KLRD1: variants seen among roughly 807,000 people sequenced by gnomAD.
The protein encoded by KLRD1 is natural killer cells antigen CD94.
A neutral mutation model predicts 22.6 loss-of-function variants in KLRD1; 21 were observed. That is an observed-to-expected ratio of 0.93 (90% CI 0.66 to 1.34). The LOEUF is 1.34. Ranked by LOEUF, KLRD1 falls within the 40% of genes most tolerant of loss-of-function variation. KLRD1 has a pLI of 0.00. For synonymous variants in KLRD1, 59 were observed against 71.1 expected, an observed-to-expected ratio of 0.83 and a Z score of 0.85; for missense variants, 183 against 208.6, an observed-to-expected ratio of 0.88 and a Z score of 0.76.
At chr12:10,251,188 G>A (rs1341808624) in intron 1 of KLRD1, among the ~76,000 whole-genome samples, 2 of 152,028 alleles carry the variant, frequency 1.3e-5, no homozygotes, top group Admixed American at 6.5e-5. Flanking sequence ...GCAGTGGTGC[G>A]ATCCTGGCTT....
intron 1 of KLRD1, among the ~76,000 whole-genome samples, chr12:10,254,344 C>A (rs1167126069): frequency 7.0e-6 from 1 of 143,648 alleles, no homozygotes; most frequent in African/African-American, 2.6e-5. Flanking sequence ...AGGTGAATGG[C>A]GTGAACCCGG....
At chr12:10,298,179 A>C (rs983067846) in intron 1 of KLRD1, among the ~76,000 whole-genome samples, 1 of 152,232 alleles carries the variant, frequency 6.6e-6, no homozygotes, top group African/African-American at 2.4e-5. Context: ...CCAAGAGTCA[A>C]GAAAGCCTGG....
At chr12:10,298,708 G>A (rs2137674495) in intron 1 of KLRD1, among the ~76,000 whole-genome samples, 1 of 152,348 alleles carries the variant, frequency 6.6e-6, no homozygotes, top group African/African-American at 2.4e-5. Flanking sequence ...TTAAGAACAT[G>A]TTCCTGCTGC....
chr12:10,240,418 G>A (rs1391446913), intron 1 of KLRD1, among the ~76,000 whole-genome samples: 2 of 151,062 alleles, frequency 1.3e-5, no homozygotes, highest in African/African-American at 4.9e-5. Flanking sequence ...TCAGCTTCAT[G>A]CCATGATCTT....
At chr12:10,308,442 A>G in intron 1 of KLRD1, 1 of 249,152 alleles carries the variant, frequency 4.0e-6, no homozygotes, top group East Asian at 9.0e-5. Context: ...GTTTTAATTG[A>G]CTATTTATGT....
At chr12:10,268,698 C>CA (rs1565454145) in intron 1 of KLRD1, among the ~76,000 whole-genome samples, 1 of 151,810 alleles carries the variant, frequency 6.6e-6, no homozygotes, top group Admixed American at 6.6e-5. Flanking sequence ...CGAAGACATG[C>CA]AAAAAAATGT....
intron 1 of KLRD1, among the ~76,000 whole-genome samples, chr12:10,277,399 G>A (rs1452398141): frequency 6.6e-6 from 1 of 152,098 alleles, no homozygotes; most frequent in African/African-American, 2.4e-5. Flanking sequence ...GGAGAACTTA[G>A]TCCCTAAATA....
At position 10,327,233 on chromosome 12, in the gene KLRD1, A is replaced by G. The variant is rs776477324; in HGVS notation, c.*12440A>G. 1 of 152,146 alleles carries G rather than the reference A, an allele frequency of 6.6e-6. No homozygotes were observed. Among genetic ancestry groups the G allele is most frequent in the Non-Finnish European group, 1.5e-5 (1 of 68,018 alleles). 9.4% of individuals were successfully genotyped at this position (152,146 alleles called of 1,614,324 possible). A position where few individuals can be genotyped will look rare whatever the true frequency, so the allele number is the denominator to read the frequency against. On this transcript the variant is annotated 3_prime_UTR_variant, in exon 6 of 6. Transcript: ENST00000336164. ...GCAAAGTTTATTCCCAAGTTCTCCA[A>G]TCTGTTTAATTGGTCTATATGTTCA...
intron 1 of KLRD1, among the ~76,000 whole-genome samples, chr12:10,245,238 A>G (rs957394843): frequency 1.3e-5 from 2 of 152,136 alleles, no homozygotes; most frequent in Non-Finnish European, 2.9e-5. Context: ...CCTGCTTGTA[A>G]TCCCAGCTAC....
intron 1 of KLRD1, among the ~76,000 whole-genome samples, chr12:10,285,175 G>A (rs1949689288): frequency 6.6e-6 from 1 of 152,152 alleles, no homozygotes; most frequent in African/African-American, 2.4e-5. Context: ...TTAACCTGGA[G>A]TAAAATATCA....
chr12:10,260,350 T>C (rs970200067), intron 1 of KLRD1, among the ~76,000 whole-genome samples: 4 of 152,230 alleles, frequency 2.6e-5, no homozygotes, highest in Non-Finnish European at 5.9e-5. Flanking sequence ...TGTCTTTTTT[T>C]TTCAACAGTT....
chr12:10,301,582 C>G (rs1949867088), upstream of KLRD1, among the ~76,000 whole-genome samples: 1 of 152,224 alleles, frequency 6.6e-6, no homozygotes, highest in South Asian at 2.1e-4. Context: ...AACTCTTTCT[C>G]TGCTGCAAAC....
At chr12:10,246,064 A>G (rs1396279703) in intron 1 of KLRD1, among the ~76,000 whole-genome samples, 2 of 152,202 alleles carry the variant, frequency 1.3e-5, no homozygotes, top group African/African-American at 2.4e-5. Flanking sequence ...ATTTCATCTC[A>G]TGATAGCATT....
rs1950322102 is a variant in KLRD1, at chr12:10,322,649, A to G, written c.*7856A>G. 1 of 152,206 alleles carries G rather than the reference A, an allele frequency of 6.6e-6. No homozygotes were observed. The highest frequency in any genetic ancestry group is 6.5e-5 in the Admixed American group (1 of 15,274). The allele number at this position is 152,206 out of a possible 1,614,324, so 9.4% of individuals were successfully genotyped here. On this transcript the variant is annotated 3_prime_UTR_variant, in exon 6 of 6. Transcript: ENST00000336164. ...TCACTAATTTTCTCATTTACACTAA[A>G]TACTTCATTGATTACAGTTTACCTC...
chr12:10,277,192 A>G (rs1245402580), intron 1 of KLRD1, among the ~76,000 whole-genome samples: 2 of 148,852 alleles, frequency 1.3e-5, no homozygotes, highest in Non-Finnish European at 3.0e-5. Flanking sequence ...TCAAACATGC[A>G]GGGTACATGG....
chr12:10,327,672 C>T lies in KLRD1; in HGVS notation c.*12879C>T, dbSNP rs1950373267. The T allele has an allele frequency of 6.6e-6, 1 of 151,982 alleles. No homozygotes were observed. The highest frequency in any genetic ancestry group is 2.4e-5 in the African/African-American group (1 of 41,378). 9.4% of individuals were successfully genotyped at this position (151,982 alleles called of 1,614,324 possible). Reference sequence around the variant, plus strand: ...AATCTGTATGTTGTTAATTTCTTTTCCTTGCCTAAGAGCTTTAAGTAGGAC... The same window carrying T: ...AATCTGTATGTTGTTAATTTCTTTTTCTTGCCTAAGAGCTTTAAGTAGGAC... On this transcript the variant is annotated 3_prime_UTR_variant, in exon 6 of 6. Transcript: ENST00000336164.
intron 4 of KLRD1, among the ~76,000 whole-genome samples, chr12:10,312,954 T>C (rs1950128721): frequency 6.6e-6 from 1 of 150,964 alleles, no homozygotes; most frequent in Admixed American, 6.6e-5. Context: ...CCCACTGCAC[T>C]CCAGCCTGGG....
At chr12:10,251,100 T>G (rs761163354) in intron 1 of KLRD1, among the ~76,000 whole-genome samples, 1 of 152,130 alleles carries the variant, frequency 6.6e-6, no homozygotes, top group African/African-American at 2.4e-5. Context: ...CTCTGGAGTT[T>G]GGGACAGTGA....
At chr12:10,257,216 CTT>C (rs1949406178) in intron 1 of KLRD1, among the ~76,000 whole-genome samples, 1 of 137,050 alleles carries the variant, frequency 7.3e-6, no homozygotes, top group Non-Finnish European at 1.6e-5. Flanking sequence ...TTGTGGGTCT[CTT>C]TTCATTTATG....
Sources: allele counts gnomAD v4.1 joint callset (sites outside exome capture counted in the v4.1 genomes callset), GRCh38; gene constraint gnomAD v4.1.1; transcripts MANE v1.5; gene names NCBI Gene and HGNC (gene_info 2026-07-23, HGNC 2026-07-21).